Variants in ADARB2 observed in about 807,000 individuals in gnomAD.
The protein encoded by ADARB2 is adenosine deaminase RNA specific B2 (inactive).
A neutral mutation model predicts 62.2 loss-of-function variants in ADARB2; 25 were observed. The ratio of observed to expected loss-of-function variants is 0.40; its 90% confidence interval spans 0.29 to 0.56. The LOEUF (loss-of-function observed/expected upper bound fraction) is 0.56. Among genes scored for constraint, ADARB2 ranks in the 20% least tolerant of loss-of-function variants. The pLI is 0.43. For missense variants in ADARB2, 1,071 were observed against 1,077.4 expected, an observed-to-expected ratio of 0.99 and a Z score of 0.08; for synonymous variants, 572 against 500.8, an observed-to-expected ratio of 1.14 and a Z score of -1.90.
chr10:1,653,813 AT>A (rs539695879), intron 1 of ADARB2, among the ~76,000 whole-genome samples: 10 of 152,058 alleles, frequency 6.6e-5, no homozygotes, highest in African/African-American at 1.4e-4. Flanking sequence ...TGAAGAACTG[AT>A]TTTTTTTCCT....
At chr10:1,220,246 GTGGTGGTGGTGA>G (rs1193824274) in intron 6 of ADARB2, among the ~76,000 whole-genome samples, 6 of 127,002 alleles carry the variant, frequency 4.7e-5, no homozygotes, top group Non-Finnish European at 3.4e-5. Flanking sequence ...GGTGATAATG[GTGGTGGTGGTGA>G]TGATGGTGGT....
intron 1 of ADARB2, chr10:1,394,872 T>A (rs1021354507): frequency 2.2e-6 from 1 of 457,126 alleles, no homozygotes; most frequent in East Asian, 7.0e-5. Flanking sequence ...GCACAGGTCA[T>A]TTTTTCTTTT....
At chr10:1,670,883 A>C (rs965243188) in intron 1 of ADARB2, among the ~76,000 whole-genome samples, 1 of 152,080 alleles carries the variant, frequency 6.6e-6, no homozygotes, top group Non-Finnish European at 1.5e-5. Flanking sequence ...CTTCCAGACA[A>C]TGGGGAACTC....
At chr10:1,737,014 A>G in intron 1 of ADARB2, 37 bp downstream of exon 1, 1 of 1,602,956 alleles carries the variant, frequency 6.2e-7, no homozygotes, top group African/African-American at 1.3e-5. Context: ...GCCGGGGGTG[A>G]AGGGGGGCAG....
intron 1 of ADARB2, among the ~76,000 whole-genome samples, chr10:1,525,825 G>T (rs965004147): frequency 6.6e-6 from 1 of 152,012 alleles, no homozygotes; most frequent in Non-Finnish European, 1.5e-5. Flanking sequence ...ACGTGTGTGC[G>T]CATGTGTATG....
chr10:1,480,310 T>C (rs1227989887), intron 1 of ADARB2, among the ~76,000 whole-genome samples: 2 of 152,226 alleles, frequency 1.3e-5, no homozygotes, highest in Non-Finnish European at 2.9e-5. Context: ...TTAGAACTAA[T>C]AAATGAATTC....
intron 1 of ADARB2, among the ~76,000 whole-genome samples, chr10:1,556,257 A>T (rs912483634): frequency 1.1e-4 from 9 of 80,944 alleles, no homozygotes; most frequent in African/African-American, 2.7e-4. Context: ...CTCAAACAAA[A>T]AGTCTTTTTT....
At chr10:1,537,294 T>C (rs1252564665) in intron 1 of ADARB2, among the ~76,000 whole-genome samples, 2 of 152,112 alleles carry the variant, frequency 1.3e-5, no homozygotes, top group African/African-American at 4.8e-5. Flanking sequence ...ATGGCAATGA[T>C]TAAAAAGTCA....
intron 1 of ADARB2, among the ~76,000 whole-genome samples, chr10:1,558,383 T>G (rs539217003): frequency 7.3e-6 from 1 of 137,650 alleles, no homozygotes; most frequent in South Asian, 2.3e-4. Context: ...ATGCTCCATC[T>G]AAACTCGAAT....
At chr10:1,481,008 T>C (rs371701227) in intron 1 of ADARB2, among the ~76,000 whole-genome samples, 3 of 152,280 alleles carry the variant, frequency 2.0e-5, no homozygotes, top group East Asian at 3.9e-4. Flanking sequence ...ATGGTCAAAA[T>C]AATCTTTAAG....
chr10:1,242,438 G>T lies in ADARB2; in HGVS notation c.1193-139C>A, dbSNP rs1349437660. ...CACTGCGTTTTGAGAGCTGGGAAGC[G>T]AGGCTTCTGTGTGCTCCAGGCTGTC... On this transcript the variant is annotated intron_variant, in intron 4 of 9. Transcript: ENST00000381312. The T allele has an allele frequency of 9.2e-6, 11 of 1,196,372 alleles. No individual in the cohort carries two copies. The East Asian group carries it at 2.9e-4, about 31-fold the overall frequency. 74.1% of individuals were successfully genotyped at this position (1,196,372 alleles called of 1,614,324 possible). A position where few individuals can be genotyped will look rare whatever the true frequency, so the allele number is the denominator to read the frequency against.
At chr10:1,659,758 C>T (rs1834220778) in intron 1 of ADARB2, among the ~76,000 whole-genome samples, 1 of 152,176 alleles carries the variant, frequency 6.6e-6, no homozygotes, top group African/African-American at 2.4e-5. Flanking sequence ...CTCCTCTCCT[C>T]CAGTGTCCTG....
intron 3 of ADARB2, among the ~76,000 whole-genome samples, chr10:1,318,820 A>C (rs994583417): frequency 1.3e-5 from 2 of 152,176 alleles, no homozygotes; most frequent in African/African-American, 4.8e-5. Context: ...CCACTGGAGA[A>C]AGCATCTCTC....
At chr10:1,371,814 A>G (rs959396580) in intron 2 of ADARB2, among the ~76,000 whole-genome samples, 32 of 150,060 alleles carry the variant, frequency 2.1e-4, no homozygotes, top group African/African-American at 6.8e-4. Context: ...AAAATCCAAC[A>G]TGTTTGTGTG....
At chr10:1,341,518 C>T (rs1832028006) in intron 3 of ADARB2, among the ~76,000 whole-genome samples, 6 of 146,782 alleles carry the variant, frequency 4.1e-5, no homozygotes, top group Admixed American at 4.0e-4. Context: ...ACCACATGCC[C>T]CACAGCGGCA....
intron 3 of ADARB2, among the ~76,000 whole-genome samples, chr10:1,304,024 C>G (rs1321044621): frequency 3.3e-5 from 5 of 151,090 alleles, no homozygotes; most frequent in Non-Finnish European, 7.4e-5. Context: ...ACACATAACA[C>G]TATTAACTTT....
intron 3 of ADARB2, among the ~76,000 whole-genome samples, chr10:1,357,559 C>A (rs1226579205): frequency 6.6e-6 from 1 of 152,182 alleles, no homozygotes; most frequent in Non-Finnish European, 1.5e-5. Context: ...TAAATGTAAG[C>A]TTGTCACTGT....
intron 1 of ADARB2, among the ~76,000 whole-genome samples, chr10:1,592,382 C>CATAGGT (rs1564341078): frequency 2.1e-5 from 2 of 93,928 alleles, no homozygotes; most frequent in Admixed American, 1.0e-4. Flanking sequence ...CACCCAGCTC[C>CATAGGT]CTTCGCCCAA....
intron 1 of ADARB2, among the ~76,000 whole-genome samples, chr10:1,388,451 T>C (rs1160217616): frequency 6.6e-6 from 1 of 152,130 alleles, no homozygotes; most frequent in Non-Finnish European, 1.5e-5. Context: ...CCTCATGGCA[T>C]GATCATATAT....
Sources: gnomAD v4.1 joint callset for allele counts (sites outside exome capture counted in the v4.1 genomes callset) on GRCh38, gnomAD v4.1.1 for gene constraint, MANE v1.5 for transcripts, NCBI Gene and HGNC (gene_info 2026-07-23, HGNC 2026-07-21) for gene names.